Variants in VWDE observed in about 807,000 individuals in gnomAD.
The protein encoded by VWDE is von Willebrand factor D and EGF domain-containing protein.
A neutral mutation model predicts 178.4 loss-of-function variants in VWDE; 207 were observed. That is an observed-to-expected ratio of 1.16 (90% CI 1.04 to 1.30). The LOEUF is 1.30. Among genes scored for constraint, VWDE ranks in the 50% most tolerant of loss-of-function variants. The probability of loss-of-function intolerance (pLI) is 0.00; values close to 1 mark genes in which losing one functional copy is unlikely to be tolerated. For synonymous variants in VWDE, 738 were observed against 651.4 expected, an observed-to-expected ratio of 1.13 and a Z score of -2.02; for missense variants, 2,287 against 1,901.3, an observed-to-expected ratio of 1.20 and a Z score of -3.77.
intron 7 of VWDE, among the ~76,000 whole-genome samples, chr7:12,375,474 A>G (rs1783474396): frequency 6.6e-6 from 1 of 152,040 alleles, no homozygotes; most frequent in African/African-American, 2.4e-5. Flanking sequence ...ACAATTTTCA[A>G]TTAGGTTATA....
chr7:12,364,714 A>G (rs982957832), intron 13 of VWDE, among the ~76,000 whole-genome samples: 2 of 152,140 alleles, frequency 1.3e-5, no homozygotes, highest in African/African-American at 4.8e-5. Flanking sequence ...GGTAAATACC[A>G]TAGTCATAAT....
Position 12,370,737 on chromosome 7 carries a change from G to A in VWDE, c.1715C>T (p.Pro572Leu), listed in dbSNP as rs578171076. 20 of 1,550,870 alleles carry A rather than the reference G, an allele frequency of 1.3e-5. No individual in the cohort carries two copies. Among genetic ancestry groups the A allele is most frequent in the Admixed American group, 1.2e-4 (6 of 50,932 alleles). ...ATTTTTGTCATGGAAATCATTTTCC[G>A]GATTTTCATCAAAGGTTCCACAAAG... ...LGLCGTFDEN[P>L]ENDFHDKNGM... The change falls in exon 11 of 29, where the codon CCG becomes CTG. Residue 572 changes from proline (P) to leucine (L), a missense_variant. Coordinates refer to ENST00000275358, the MANE Select transcript of VWDE (RefSeq NM_001135924.3).
At chr7:12,391,322 C>T (rs536052699) in intron 2 of VWDE, among the ~76,000 whole-genome samples, 25 of 152,110 alleles carry the variant, frequency 1.6e-4, no homozygotes, top group Non-Finnish European at 3.1e-4. Flanking sequence ...CGTGTATTAA[C>T]CTGTAGAGAA....
chr7:12,368,161 C>T (rs1023776900), intron 12 of VWDE, among the ~76,000 whole-genome samples: 2 of 147,444 alleles, frequency 1.4e-5, no homozygotes, highest in African/African-American at 5.1e-5. Context: ...TGTTGCTATT[C>T]TAGGTACTGG....
Position 12,377,763 on chromosome 7 carries a change from G to A in VWDE, c.1024+13C>T. ...CAATCTAATAATAAGATAAAATAAA[G>A]TTAGTATATTACCTTGACCAATAGT... On this transcript the variant is annotated intron_variant, in intron 7 of 28. Transcript: ENST00000275358. 7.1e-7 allele frequency: 1 copy of A among 1,410,100 alleles called. No homozygotes were observed. The highest frequency in any genetic ancestry group is 2.8e-5 in the Admixed American group (1 of 35,506). The allele number at this position is 1,410,100 out of a possible 1,614,324, so 87.3% of individuals were successfully genotyped here. A position where few individuals can be genotyped will look rare whatever the true frequency, so the allele number is the denominator to read the frequency against.
At chr7:12,333,372 AT>A (rs1445121738) in intron 28 of VWDE, 92 bp downstream of exon 28, 1 of 786,516 alleles carries the variant, frequency 1.3e-6, no homozygotes, top group Non-Finnish European at 1.9e-6. Context: ...TTTGGAAATA[AT>A]AAAAAAACAT....
intron 18 of VWDE, among the ~76,000 whole-genome samples, chr7:12,353,388 C>T (rs1247568505): frequency 6.9e-6 from 1 of 145,158 alleles, no homozygotes; most frequent in African/African-American, 2.6e-5. Flanking sequence ...AATATAGCCA[C>T]ACTGGGAGTT....
chr7:12,350,222 G>A (rs2128549644), intron 19 of VWDE, among the ~76,000 whole-genome samples: 1 of 151,782 alleles, frequency 6.6e-6, no homozygotes. Flanking sequence ...TGCATTTATG[G>A]AAAAATATAT....
chr7:12,402,633 C>T (rs1784958887), intron 1 of VWDE, among the ~76,000 whole-genome samples: 1 of 152,086 alleles, frequency 6.6e-6, no homozygotes, highest in Non-Finnish European at 1.5e-5. Context: ...TATGTTATTA[C>T]ATGTATTTTT....
intron 24 of VWDE, among the ~76,000 whole-genome samples, chr7:12,338,844 CT>C (rs112643771): frequency 6.6e-6 from 1 of 152,080 alleles, no homozygotes; most frequent in South Asian, 2.1e-4. Context: ...AGTAGTTTAA[CT>C]TTTTTGTGAT....
Position 12,369,207 on chromosome 7 carries a change from A to G in VWDE, c.2761+338T>C, listed in dbSNP as rs376168429. 6.7e-4 allele frequency among the ~76,000 whole-genome samples: 102 copies of G among 152,248 alleles called. 1 individual carries two copies. The South Asian group carries it at 0.02, about 30-fold the overall frequency. On this transcript the variant is annotated intron_variant, in intron 12 of 28. Coordinates refer to ENST00000275358, the MANE Select transcript of VWDE (RefSeq NM_001135924.3). ...TAGGTAGAGGGCCCAGTTGTGTGTAAAGGCCCTGAGGTTAAATGATCTTGG... is the reference window on the plus strand; with the variant it reads ...TAGGTAGAGGGCCCAGTTGTGTGTAGAGGCCCTGAGGTTAAATGATCTTGG...
At chr7:12,379,124 G>GACTCT (rs1195161371) in intron 6 of VWDE, among the ~76,000 whole-genome samples, 2 of 152,154 alleles carry the variant, frequency 1.3e-5, no homozygotes, top group African/African-American at 4.8e-5. Flanking sequence ...TCTAGTCAGA[G>GACTCT]ACTCTACTAC....
intron 17 of VWDE, 131 bp downstream of exon 17, chr7:12,357,134 T>A: frequency 8.1e-7 from 1 of 1,234,838 alleles, no homozygotes; most frequent in Non-Finnish European, 1.1e-6. Context: ...TTCGGCAGTT[T>A]AATTTTCCAT....
At chr7:12,375,864 G>A (rs553669019) in intron 7 of VWDE, among the ~76,000 whole-genome samples, 1 of 151,720 alleles carries the variant, frequency 6.6e-6, no homozygotes, top group South Asian at 2.1e-4. Context: ...GAAAGGAAAT[G>A]GTAACAAAAA....
intron 5 of VWDE, 92 bp from the exon 6 acceptor site, chr7:12,379,658 CATAG>C (rs1783731441): frequency 2.4e-6 from 2 of 818,544 alleles, no homozygotes; most frequent in Non-Finnish European, 3.7e-6. Flanking sequence ...TTTAATTCTT[CATAG>C]ATAGTATATA....
Position 12,393,608 on chromosome 7 carries a change from T to C in VWDE, c.229A>G (p.Thr77Ala), listed in dbSNP as rs1345601836. The change falls in exon 2 of 29, where the codon ACC (threonine) becomes GCC (alanine). Residue 77 changes from threonine to alanine, a missense_variant. Physicochemically the swap from Thr to Ala is moderately conservative, Grantham distance 58. Transcript: ENST00000275358. ...AGTTGACATACCTCAACACATTTGG[T>C]TGGCATCTCGGCAGGTCTGTCAAGG... ...LILDRPAEMP[T>A]KCVEMNHCGT... The C allele has an allele frequency of 2.6e-6, 4 of 1,548,652 alleles. No homozygotes were observed. The highest frequency in any genetic ancestry group is 2.4e-5 in the South Asian group (2 of 83,474).
intron 5 of VWDE, among the ~76,000 whole-genome samples, chr7:12,380,137 G>T (rs1025786): frequency 6.6e-6 from 1 of 150,922 alleles, no homozygotes; most frequent in Non-Finnish European, 1.5e-5. Flanking sequence ...AAGTGACATC[G>T]TCATTTAAAA....
chr7:12,349,376 T>G (rs1583287857), intron 19 of VWDE, among the ~76,000 whole-genome samples: 2 of 151,062 alleles, frequency 1.3e-5, no homozygotes, highest in South Asian at 4.2e-4. Flanking sequence ...AATAACAAAT[T>G]TCAAATGAAT....
chr7:12,372,984 T>G lies in VWDE; in HGVS notation c.1580A>C (p.Lys527Thr), dbSNP rs953553667. ...IKISESYLGR[K>T]VTIWFSSGAF... is the part of the protein sequence containing the mutation. ...TTAAAGAATCATACATACTGTGACT[T>G]TTCTTCCTAAGTAAGATTCACTTAT... The change falls in exon 10 of 29, where the codon AAA (lysine) becomes ACA (threonine). Residue 527 changes from lysine (K) to threonine (T), a missense_variant. Lys to Thr is a moderately conservative substitution (Grantham distance 78). Transcript: ENST00000275358. 16 of 1,550,956 alleles carry G rather than the reference T, an allele frequency of 1.0e-5. No individual in the cohort carries two copies. Among genetic ancestry groups the G allele is most frequent in the Non-Finnish European group, 1.4e-5 (16 of 1,146,532 alleles).
Sources: allele counts gnomAD v4.1 joint callset (sites outside exome capture counted in the v4.1 genomes callset), GRCh38; gene constraint gnomAD v4.1.1; transcripts MANE v1.5; gene names NCBI Gene and HGNC (gene_info 2026-07-23, HGNC 2026-07-21).